TRAF3IP3: variants seen among roughly 807,000 people sequenced by gnomAD.
The protein encoded by TRAF3IP3 is TRAF3-interacting JNK-activating modulator.
A neutral mutation model predicts 86.5 loss-of-function variants in TRAF3IP3; 64 were observed. That is an observed-to-expected ratio of 0.74 (90% confidence interval 0.60 to 0.91). The LOEUF is 0.91. TRAF3IP3 is among the 40% of genes least tolerant of loss of function. The probability of loss-of-function intolerance (pLI) is 0.00; values close to 1 mark genes in which losing one functional copy is unlikely to be tolerated. For missense variants in TRAF3IP3, 579 were observed against 642.9 expected (o/e 0.90, Z 1.07); for synonymous variants, 220 against 243.9 (o/e 0.90, Z 0.91).
rs182448330 is a variant in TRAF3IP3, at chr1:209,782,174, G to T, written c.*26G>T. 3.6e-5 allele frequency: 57 copies of T among 1,587,624 alleles called. No individual in the cohort carries two copies. In the East Asian group the frequency reaches 1.1e-3, roughly 30 times the overall value. On this transcript the variant is annotated 3_prime_UTR_variant, in exon 17 of 17. Coordinates refer to ENST00000367025, the MANE Select transcript of TRAF3IP3 (RefSeq NM_025228.4). ...ATAATTTGTGACAACTGCCTTGGGT[G>T]AAAATCAGAAGCAAGCAACTCAGCG...
At position 209,763,521 on chromosome 1, in the gene TRAF3IP3, A is replaced by T. The variant is rs779307795; in HGVS notation, c.636A>T (p.Lys212Asn). 1.2e-6 allele frequency: 2 copies of T among 1,614,162 alleles called. No individual in the cohort carries two copies. ...CCCTACAAAGGGAGCTGGTCCTAAAACAGAAAATGGTGATTCTCCAAGACC... is the reference window on the plus strand; with the variant it reads ...CCCTACAAAGGGAGCTGGTCCTAAATCAGAAAATGGTGATTCTCCAAGACC... ...KEALQRELVL[K>N]QKMVILQDLL... Residue 212 changes from lysine (K) to asparagine (N), a missense_variant, in exon 8 of 17, where the codon AAA (lysine) becomes AAT (asparagine). Coordinates refer to ENST00000367025, the MANE Select transcript of TRAF3IP3 (RefSeq NM_025228.4).
At chr1:209,780,683 G>A (rs1172389265) in intron 15 of TRAF3IP3, 77 bp downstream of exon 15, 1 of 1,364,388 alleles carries the variant, frequency 7.3e-7, no homozygotes, top group Admixed American at 2.7e-5. Flanking sequence ...AAAAAGCAGG[G>A]ATTTCAAAGT....
intron 8 of TRAF3IP3, chr1:209,768,634 G>T: frequency 1.0e-6 from 1 of 985,832 alleles, no homozygotes; most frequent in Non-Finnish European, 1.2e-6. Flanking sequence ...GCAGAAGCAG[G>T]AGCTGAAGAC....
Position 209,762,556 on chromosome 1 carries a change from T to G in TRAF3IP3, c.387T>G (p.Pro129=). 1.0e-5 allele frequency: 15 copies of G among 1,483,578 alleles called. No individual in the cohort carries two copies. Among genetic ancestry groups the G allele is most frequent in the Non-Finnish European group, 1.3e-5 (15 of 1,117,406 alleles). 91.9% of individuals were successfully genotyped at this position (1,483,578 alleles called of 1,614,324 possible). ...TSSEVFPAQH[P]PPSGICRDLS... The stretch of plus-strand genomic sequence containing the variant: ...CTGAAGTCTTTCCAGCCCAGCATCC[T>G]CCTCCCTCAGGCATCTGCAGGGATC... The change falls in exon 4 of 17, where the codon CCT becomes CCG. Residue 129 remains proline (P), a synonymous_variant. Transcript: ENST00000367025.
chr1:209,779,366 C>T lies in TRAF3IP3; in HGVS notation c.1304C>T (p.Thr435Ile), dbSNP rs749734348. 1.1e-5 allele frequency: 17 copies of T among 1,613,938 alleles called. No individual in the cohort carries two copies. The highest frequency in any genetic ancestry group is 1.4e-5 in the Non-Finnish European group (17 of 1,179,790). The change falls in exon 14 of 17, where the codon ACA (threonine) becomes ATA (isoleucine). Residue 435 changes from threonine to isoleucine, a missense_variant. Thr to Ile is a moderately conservative substitution (Grantham distance 89). Coordinates refer to ENST00000367025, the MANE Select transcript of TRAF3IP3 (RefSeq NM_025228.4). ...CTTCAAGAACAGGAGAAACTCTTAA[C>T]AAAGAAAGGTCAGCAAATTTATTAC... ...LQLQEQEKLL[T>I]KKDQALPVWS...
chr1:209,775,856 T>C, intron 11 of TRAF3IP3, 120 bp downstream of exon 11: 1 of 923,118 alleles, frequency 1.1e-6, no homozygotes, highest in Non-Finnish European at 1.6e-6. Flanking sequence ...TTTCAGTTCC[T>C]CAGTCACCAC....
At chr1:209,767,605 G>A (rs901999794) in intron 8 of TRAF3IP3, among the ~76,000 whole-genome samples, 12 of 151,840 alleles carry the variant, frequency 7.9e-5, no homozygotes, top group East Asian at 1.9e-4. Context: ...CAGGAGGATC[G>A]CTTGAGCCCA....
At chr1:209,775,292 C>T (rs1293967080) in intron 9 of TRAF3IP3, 57 bp from the exon 10 acceptor site, 1 of 1,521,486 alleles carries the variant, frequency 6.6e-7, no homozygotes, top group African/African-American at 1.4e-5. Flanking sequence ...TATCCCAGCT[C>T]AGGATTTGGC....
At chr1:209,779,640 T>C (rs1310065816) in intron 14 of TRAF3IP3, 1 of 606,804 alleles carries the variant, frequency 1.6e-6, no homozygotes, top group East Asian at 2.8e-5. Flanking sequence ...TTTCAATAAA[T>C]TTATTTTGAA....
At chr1:209,780,291 C>A (rs1037559849) in intron 14 of TRAF3IP3, 179 bp from the exon 15 acceptor site, 2 of 474,664 alleles carry the variant, frequency 4.2e-6, no homozygotes, top group Non-Finnish European at 7.1e-6. Flanking sequence ...AGCTGTCTGT[C>A]CAAGCTTAGC....
intron 8 of TRAF3IP3, 51 bp from the exon 9 acceptor site, chr1:209,772,895 CTT>C: frequency 5.3e-6 from 8 of 1,499,634 alleles, no homozygotes; most frequent in Non-Finnish European, 7.4e-6. Flanking sequence ...GAGTCAAACT[CTT>C]TGCAGACTAG....
At chr1:209,778,856 A>G (rs918828529) in intron 13 of TRAF3IP3, 1 of 171,910 alleles carries the variant, frequency 5.8e-6, no homozygotes, top group Admixed American at 5.7e-5. Flanking sequence ...TGCCTTGAAG[A>G]ACAGAAATGT....
In TRAF3IP3 at chr1:209,762,600, C is replaced by A. The variant is rs2077265759; in HGVS notation, c.431C>A (p.Ser144Ter). 2.0e-6 allele frequency: 3 copies of A among 1,517,154 alleles called. No individual in the cohort carries two copies. Among genetic ancestry groups the A allele is most frequent in the Non-Finnish European group, 2.6e-6 (3 of 1,135,670 alleles). 94.0% of individuals were successfully genotyped at this position (1,517,154 alleles called of 1,614,324 possible). A position where few individuals can be genotyped will look rare whatever the true frequency, so the allele number is the denominator to read the frequency against. ...AGGGATCTGTCTGACCACCTCTCCTCACAGGCTGGGGGCCTTCCTCCACAG... is the reference window on the plus strand; with the variant it reads ...AGGGATCTGTCTGACCACCTCTCCTAACAGGCTGGGGGCCTTCCTCCACAG... ...ICRDLSDHLS[S>*]QAGGLPPQDT... Residue 144 changes from serine to a stop codon, truncating the protein, a stop_gained, in exon 4 of 17, where the codon TCA (serine) becomes TAA (stop). Coordinates refer to ENST00000367025, the MANE Select transcript of TRAF3IP3 (RefSeq NM_025228.4). LOFTEE classifies it high-confidence loss of function.
In TRAF3IP3 at chr1:209,760,202, G is replaced by T. The variant is rs371703527; in HGVS notation, c.163G>T (p.Glu55Ter). 6.2e-7 allele frequency: 1 copy of T among 1,614,150 alleles called. No homozygotes were observed. Among genetic ancestry groups the T allele is most frequent in the South Asian group, 1.1e-5 (1 of 91,094 alleles). Residue 55 changes from glutamate (E) to a stop codon, truncating the protein, a stop_gained, in exon 3 of 17, where the codon GAG becomes TAG. Transcript: ENST00000367025. LOFTEE classifies it high-confidence loss of function. ...VGKTLRIQQR[E>*]QLQRARLQQF... The stretch of plus-strand genomic sequence containing the variant: ...GAAGACGCTGAGGATCCAACAGAGA[G>T]AGCAGCTCCAGAGAGCTCGACTGCA...
intron 8 of TRAF3IP3, 30 bp downstream of exon 8, chr1:209,763,617 G>GCT (rs773672444): frequency 6.5e-7 from 1 of 1,546,234 alleles, no homozygotes; most frequent in Non-Finnish European, 8.8e-7. Context: ...TTTGAACAAA[G>GCT]CTTGGGCTTC....
At chr1:209,764,971 T>TA (rs1197135352) in intron 8 of TRAF3IP3, among the ~76,000 whole-genome samples, 1 of 152,056 alleles carries the variant, frequency 6.6e-6, no homozygotes, top group Non-Finnish European at 1.5e-5. Context: ...GGTCAGGAAT[T>TA]AGAGACCAGC....
intron 9 of TRAF3IP3, among the ~76,000 whole-genome samples, chr1:209,774,730 G>T (rs1207760902): frequency 6.6e-6 from 1 of 152,200 alleles, no homozygotes; most frequent in Non-Finnish European, 1.5e-5. Context: ...ATTTATACAG[G>T]AAGTGGCAAG....
At chr1:209,780,928 GA>G (rs1423546946) in intron 15 of TRAF3IP3, 33 of 187,560 alleles carry the variant, frequency 1.8e-4, no homozygotes. Context: ...GTCTCTTAAA[GA>G]GTAAAACTCT....
intron 11 of TRAF3IP3, chr1:209,777,138 T>C (rs2102509558): frequency 5.2e-6 from 2 of 383,968 alleles, no homozygotes; most frequent in Middle Eastern, 1.4e-3. Flanking sequence ...CTTGTGAATA[T>C]CAAAAGTCTA....
Sources: gnomAD v4.1 joint callset for allele counts (sites outside exome capture counted in the v4.1 genomes callset) on GRCh38, gnomAD v4.1.1 for gene constraint, MANE v1.5 for transcripts, NCBI Gene and HGNC (gene_info 2026-07-23, HGNC 2026-07-21) for gene names.